MAGI2: variants seen among roughly 807,000 people sequenced by gnomAD.
MAGI2 encodes membrane associated guanylate kinase, WW and PDZ domain containing 2.
A neutral mutation model predicts 133.3 loss-of-function variants in MAGI2; 35 were observed. The observed-to-expected ratio is 0.26, with a 90% confidence interval of 0.20 to 0.35. The LOEUF is 0.35. Among genes scored for constraint, MAGI2 ranks in the 10% least tolerant of loss-of-function variants. MAGI2 has a pLI of 1.00. For missense variants in MAGI2, 1,636 were observed against 1,863.4 expected (o/e 0.88, Z 2.25); for synonymous variants, 729 against 710.6 (o/e 1.03, Z -0.41).
chr7:79,270,456 T>C (rs1189164311), intron 1 of MAGI2, among the ~76,000 whole-genome samples: 1 of 152,156 alleles, frequency 6.6e-6, no homozygotes, highest in Non-Finnish European at 1.5e-5. Flanking sequence ...TTGGCTAAGA[T>C]TGAAGCAATC....
At chr7:78,069,925 C>G (rs368660391) in intron 21 of MAGI2, among the ~76,000 whole-genome samples, 1 of 151,684 alleles carries the variant, frequency 6.6e-6, no homozygotes, top group Non-Finnish European at 1.5e-5. Flanking sequence ...GGAGCTGGAA[C>G]CTTTAGGTTT....
At chr7:79,018,345 G>A (rs115496525) in intron 1 of MAGI2, among the ~76,000 whole-genome samples, 5 of 152,250 alleles carry the variant, frequency 3.3e-5, no homozygotes, top group Admixed American at 6.5e-5. Flanking sequence ...AAAAGCAAAC[G>A]CTAAGGGAAT....
At chr7:78,448,128 A>C (rs954294725) in intron 6 of MAGI2, among the ~76,000 whole-genome samples, 3 of 152,050 alleles carry the variant, frequency 2.0e-5, no homozygotes, top group East Asian at 1.9e-4. Flanking sequence ...AATAGATTCC[A>C]TTGTGTATAT....
intron 7 of MAGI2, chr7:78,348,316 CG>C (rs1409621829): frequency 2.0e-5 from 3 of 152,150 alleles, no homozygotes; most frequent in Admixed American, 6.6e-5. Context: ...AGCTACATCA[CG>C]GGTTGCTGTG....
In MAGI2 at chr7:79,441,415, C is replaced by T. The variant is rs984336805; in HGVS notation, c.301+11605G>A. On this transcript the variant is annotated intron_variant, in intron 1 of 21. Coordinates refer to ENST00000354212, the MANE Select transcript of MAGI2 (RefSeq NM_012301.4). ...TGGATTTTATATTAGACAATGAAGA[C>T]TTTCCAGTTAATTTTAAAAGGGAGA... 2.2e-4 allele frequency among the ~76,000 whole-genome samples: 33 copies of T among 152,114 alleles called. 2 individuals are homozygous for T. The highest frequency in any genetic ancestry group is 6.5e-5 in the Admixed American group (1 of 15,268).
chr7:78,316,351 C>T (rs1247928444), intron 9 of MAGI2, among the ~76,000 whole-genome samples: 4 of 152,082 alleles, frequency 2.6e-5, no homozygotes, highest in Admixed American at 2.0e-4. Context: ...GAGTTCCTGC[C>T]CTTTCCTCTC....
chr7:79,402,099 T>C (rs1368351262), intron 1 of MAGI2, among the ~76,000 whole-genome samples: 1 of 152,152 alleles, frequency 6.6e-6, no homozygotes, highest in Non-Finnish European at 1.5e-5. Flanking sequence ...CTTTTAGCTG[T>C]CCTAGAACTT....
intron 1 of MAGI2, among the ~76,000 whole-genome samples, chr7:79,192,626 T>G (rs188036586): frequency 6.6e-6 from 1 of 151,908 alleles, no homozygotes; most frequent in Admixed American, 6.6e-5. Context: ...AATTGCTAGA[T>G]AGAATCTAGG....
At chr7:79,078,380 G>A (rs1225794825) in intron 1 of MAGI2, among the ~76,000 whole-genome samples, 1 of 152,012 alleles carries the variant, frequency 6.6e-6, no homozygotes, top group South Asian at 2.1e-4. Context: ...ATAAATCCCA[G>A]CTAGCTTTCA....
At chr7:78,374,175 A>C (rs1794213502) in intron 6 of MAGI2, among the ~76,000 whole-genome samples, 1 of 152,136 alleles carries the variant, frequency 6.6e-6, no homozygotes. Flanking sequence ...GAAACTGTCA[A>C]ACTGCTTTCC....
At chr7:78,731,862 A>G (rs1821395465) in intron 2 of MAGI2, among the ~76,000 whole-genome samples, 1 of 152,116 alleles carries the variant, frequency 6.6e-6, no homozygotes, top group Non-Finnish European at 1.5e-5. Flanking sequence ...AAAGTCATAC[A>G]CCTTCTTCTG....
chr7:78,508,772 C>CT (rs1228770262), intron 4 of MAGI2, among the ~76,000 whole-genome samples: 1 of 152,098 alleles, frequency 6.6e-6, no homozygotes, highest in Non-Finnish European at 1.5e-5. Flanking sequence ...CATGTTTTAC[C>CT]TTTTTTATAG....
At chr7:78,309,341 G>T (rs1383870231) in intron 9 of MAGI2, among the ~76,000 whole-genome samples, 9 of 152,182 alleles carry the variant, frequency 5.9e-5, no homozygotes, top group Non-Finnish European at 1.2e-4. Context: ...TATACACCAT[G>T]GAATACTATG....
intron 3 of MAGI2, among the ~76,000 whole-genome samples, chr7:78,526,445 A>G (rs1796959227): frequency 6.6e-6 from 1 of 152,234 alleles, no homozygotes; most frequent in Admixed American, 6.5e-5. Context: ...TCTATACATT[A>G]GCAGTTTCTT....
At chr7:78,294,864 AG>A (rs1797073918) in intron 9 of MAGI2, among the ~76,000 whole-genome samples, 1 of 152,174 alleles carries the variant, frequency 6.6e-6, no homozygotes. Flanking sequence ...TCGGTACAAT[AG>A]TTACTGAAAC....
intron 9 of MAGI2, among the ~76,000 whole-genome samples, chr7:78,323,397 T>C (rs1402410345): frequency 1.3e-5 from 2 of 152,246 alleles, no homozygotes; most frequent in Non-Finnish European, 2.9e-5. Flanking sequence ...CATAAAATTC[T>C]ATGTTGTCTT....
At chr7:78,393,191 C>T (rs1223811751) in intron 6 of MAGI2, among the ~76,000 whole-genome samples, 1 of 152,146 alleles carries the variant, frequency 6.6e-6, no homozygotes, top group Admixed American at 6.5e-5. Flanking sequence ...TTGCTTCTCA[C>T]CTACGGAAGT....
intron 2 of MAGI2, among the ~76,000 whole-genome samples, chr7:78,795,235 T>A (rs897380964): frequency 6.6e-6 from 1 of 151,868 alleles, no homozygotes; most frequent in Non-Finnish European, 1.5e-5. Context: ...TATAATGATC[T>A]TATATATGTT....
At position 78,201,318 on chromosome 7, in the gene MAGI2, C is replaced by A. The variant is rs1829230289; in HGVS notation, c.2048-125G>T. On this transcript the variant is annotated intron_variant, in intron 10 of 21. Coordinates refer to ENST00000354212, the MANE Select transcript of MAGI2 (RefSeq NM_012301.4). ...TAACAGCGAACAATAACAAAAACTTCTGCCTGGCTGTATCGTTTTCTTCAA... is the reference window on the plus strand; with the variant it reads ...TAACAGCGAACAATAACAAAAACTTATGCCTGGCTGTATCGTTTTCTTCAA... The A allele has an allele frequency of 8.1e-6, 4 of 496,276 alleles. No homozygotes were observed. In the South Asian group the frequency reaches 1.2e-4, roughly 15 times the overall value. The allele number at this position is 496,276 out of a possible 1,614,324, so 30.7% of individuals were successfully genotyped here. A position where few individuals can be genotyped will look rare whatever the true frequency, so the allele number is the denominator to read the frequency against.
Sources: allele counts gnomAD v4.1 joint callset (sites outside exome capture counted in the v4.1 genomes callset), GRCh38; gene constraint gnomAD v4.1.1; transcripts MANE v1.5; gene names NCBI Gene and HGNC (gene_info 2026-07-23, HGNC 2026-07-21).